The following NDUFA5 variants were observed in gnomAD, a reference collection of about 807,000 sequenced individuals.
NDUFA5 encodes NADH dehydrogenase [ubiquinone] 1 alpha subcomplex subunit 5.
A neutral mutation model predicts 19.8 loss-of-function variants in NDUFA5; 11 were observed. The observed-to-expected ratio is 0.56, with a 90% CI of 0.35 to 0.92. NDUFA5 has a LOEUF of 0.92. NDUFA5 is among the 40% of genes least tolerant of loss of function. The probability of loss-of-function intolerance (pLI) is 0.01; values close to 1 mark genes in which losing one functional copy is unlikely to be tolerated. For synonymous variants in NDUFA5, 47 were observed against 46.8 expected (o/e 1.00, Z -0.01); for missense variants, 109 against 134.2 (o/e 0.81, Z 0.93).
At chr7:123,587,705 A>G in the NDUFA5 span, among the ~76,000 whole-genome samples, 2 of 151,710 alleles carry the variant, frequency 1.3e-5, no homozygotes, top group Non-Finnish European at 3.0e-5. Flanking sequence ...GTTGAGGTAC[A>G]TTCTTTCTAT....
chr7:123,545,795 C>G (rs1798111227), intron 3 of NDUFA5, 119 bp from the exon 4 acceptor site: 2 of 640,978 alleles, frequency 3.1e-6, no homozygotes, highest in Non-Finnish European at 5.2e-6. Flanking sequence ...TTTCATCATA[C>G]TCTTTTTACT....
chr7:123,594,215 G>A, the NDUFA5 span, among the ~76,000 whole-genome samples: 2 of 152,004 alleles, frequency 1.3e-5, no homozygotes, highest in Non-Finnish European at 2.9e-5. Flanking sequence ...TCCTTGCAAT[G>A]GGTTAGAACA....
the NDUFA5 span, among the ~76,000 whole-genome samples, chr7:123,565,226 T>A: frequency 1.3e-5 from 2 of 152,148 alleles, no homozygotes; most frequent in Non-Finnish European, 2.9e-5. Context: ...CTTTCTTCTG[T>A]CTCTTTGTTC....
At chr7:123,588,468 T>A in the NDUFA5 span, among the ~76,000 whole-genome samples, 42 of 151,758 alleles carry the variant, frequency 2.8e-4, 1 homozygote, top group Middle Eastern at 3.4e-3. Context: ...CAACTTTTGA[T>A]CTTTTCTCTT....
At chr7:123,588,447 T>C in the NDUFA5 span, among the ~76,000 whole-genome samples, 1 of 151,668 alleles carries the variant, frequency 6.6e-6, no homozygotes, top group East Asian at 1.9e-4. Context: ...AATTTTATCT[T>C]TTCAAAAAGC....
At chr7:123,568,209 G>T in the NDUFA5 span, among the ~76,000 whole-genome samples, 4 of 152,086 alleles carry the variant, frequency 2.6e-5, no homozygotes, top group African/African-American at 7.2e-5. Flanking sequence ...AAACATAGTT[G>T]TCTCTATTGA....
chr7:123,579,507 A>G, the NDUFA5 span, among the ~76,000 whole-genome samples: 1 of 152,082 alleles, frequency 6.6e-6, no homozygotes, highest in Non-Finnish European at 1.5e-5. Context: ...TCTCAAAAAT[A>G]CCATGAAGAG....
chr7:123,546,994 A>C (rs1026446879), intron 3 of NDUFA5, among the ~76,000 whole-genome samples: 4 of 152,222 alleles, frequency 2.6e-5, no homozygotes, highest in Non-Finnish European at 4.4e-5. Context: ...AGAGAGAGGC[A>C]GAGGGATATT....
the NDUFA5 span, among the ~76,000 whole-genome samples, chr7:123,578,297 T>G: frequency 1.3e-5 from 2 of 151,630 alleles, no homozygotes; most frequent in African/African-American, 4.8e-5. Flanking sequence ...GGTCCCTCTT[T>G]CATTCTCTAT....
At position 123,549,501 on chromosome 7, in the gene NDUFA5, T is replaced by C. The variant is rs146721899; in HGVS notation, c.183+969A>G. Among the ~76,000 whole-genome samples, 919 of 152,236 alleles carry C rather than the reference T, an allele frequency of 6.0e-3. 8 individuals are homozygous for C. The highest frequency in any genetic ancestry group is 0.021 in the African/African-American group (877 of 41,552). On this transcript the variant is annotated intron_variant, in intron 3 of 4. Transcript: ENST00000355749. ...ATGATAAAATAGGTGAGGCACCGGG[T>C]GCAGGTAGCTCATGCCTGTGATCCC...
chr7:123,537,089 A>G lies in NDUFA5; in HGVS notation c.*5030T>C, dbSNP rs1797774674. On this transcript the variant is annotated 3_prime_UTR_variant, in exon 5 of 5. Transcript: ENST00000355749. ...CCAAAAGTGAAAGAGTAATTTTACA[A>G]TACCATTTTCCATTTTCCTTTTCAT... 1 of 152,228 alleles carries G rather than the reference A, an allele frequency of 6.6e-6. No individual in the cohort carries two copies. Among genetic ancestry groups the G allele is most frequent in the African/African-American group, 2.4e-5 (1 of 41,456 alleles). 9.4% of individuals were successfully genotyped at this position (152,228 alleles called of 1,614,324 possible). A position where few individuals can be genotyped will look rare whatever the true frequency, so the allele number is the denominator to read the frequency against.
chr7:123,545,595 T>C lies in NDUFA5; in HGVS notation c.249+16A>G, dbSNP rs781274385. 1 of 1,605,502 alleles carries C rather than the reference T, an allele frequency of 6.2e-7. No individual in the cohort carries two copies. Among genetic ancestry groups the C allele is most frequent in the Non-Finnish European group, 8.5e-7 (1 of 1,174,014 alleles). The stretch of plus-strand genomic sequence containing the variant: ...TCTATGAAACCAAACACCTAAATAG[T>C]CAACTTTTTCTTTACCTGAAGAATC... On this transcript the variant is annotated intron_variant, in intron 4 of 4. Coordinates refer to ENST00000355749, the MANE Select transcript of NDUFA5 (RefSeq NM_005000.5).
At chr7:123,568,627 G>A in the NDUFA5 span, among the ~76,000 whole-genome samples, 2 of 152,006 alleles carry the variant, frequency 1.3e-5, no homozygotes, top group African/African-American at 4.8e-5. Flanking sequence ...CTCCACTTCT[G>A]TATGGGAAAT....
chr7:123,559,245 A>C (rs1469439975), upstream of NDUFA5, among the ~76,000 whole-genome samples: 1 of 151,946 alleles, frequency 6.6e-6, no homozygotes, highest in African/African-American at 2.4e-5. Context: ...AAACTACCTA[A>C]ATCAACTCAA....
rs773980095 is a variant in NDUFA5 at position 123,550,533 on chromosome 7, T to G, written c.120A>C (p.Lys40Asn). 5.6e-6 allele frequency: 9 copies of G among 1,611,720 alleles called. No homozygotes were observed. The highest frequency in any genetic ancestry group is 7.6e-6 in the Non-Finnish European group (9 of 1,178,766). Residue 40 changes from lysine (K) to asparagine (N), a missense_variant, in exon 3 of 5, where the codon AAA (lysine) becomes AAC (asparagine). By Grantham distance (94) the Lys-to-Asn change is moderately conservative. Coordinates refer to ENST00000355749, the MANE Select transcript of NDUFA5 (RefSeq NM_005000.5). ...CTGTATACTTTCTATATGCTGCATT[T>G]TTAGGGATTTCCTCAAGAACATCAA... ...KILDVLEEIP[K>N]NAAYRKYTEQ...
the NDUFA5 span, among the ~76,000 whole-genome samples, chr7:123,580,778 A>G: frequency 6.6e-6 from 1 of 152,006 alleles, no homozygotes; most frequent in Non-Finnish European, 1.5e-5. Context: ...AAGCCCTGAG[A>G]TAAGGGCTTA....
At chr7:123,597,417 A>G in the NDUFA5 span, among the ~76,000 whole-genome samples, 2 of 152,204 alleles carry the variant, frequency 1.3e-5, no homozygotes, top group Non-Finnish European at 2.9e-5. Context: ...TTAATTGCTT[A>G]CTGTGCTTTA....
chr7:123,546,238 T>C (rs1236940751), intron 3 of NDUFA5, among the ~76,000 whole-genome samples: 2 of 152,116 alleles, frequency 1.3e-5, no homozygotes, highest in Non-Finnish European at 2.9e-5. Flanking sequence ...TGCAACAATA[T>C]AGGTGATTCT....
chr7:123,563,083 G>A, the NDUFA5 span, among the ~76,000 whole-genome samples: 2 of 152,100 alleles, frequency 1.3e-5, no homozygotes, highest in African/African-American at 4.8e-5. Context: ...TTACAGGTGT[G>A]AGCCACCGCG....
Sources: gnomAD v4.1 joint callset for allele counts (sites outside exome capture counted in the v4.1 genomes callset) on GRCh38, gnomAD v4.1.1 for gene constraint, MANE v1.5 for transcripts, NCBI Gene and HGNC (gene_info 2026-07-23, HGNC 2026-07-21) for gene names.